The following ATP7A variants were observed in gnomAD, a reference collection of about 807,000 sequenced individuals.
The protein encoded by ATP7A is copper-transporting ATPase 1.
A neutral mutation model predicts 83.5 loss-of-function variants in ATP7A; 7 were observed. The ratio of observed to expected loss-of-function variants is 0.08; its 90% CI spans 0.05 to 0.16. The LOEUF (loss-of-function observed/expected upper bound fraction) is 0.16. ATP7A is among the 10% of genes least tolerant of loss of function. The pLI is 1.00. For missense variants in ATP7A, 940 were observed against 1,120.8 expected (o/e 0.84, Z 2.30); for synonymous variants, 354 against 395.2 (o/e 0.90, Z 1.24).
chrX:77,992,683 C>CTCACTGCA (rs1250164345), intron 4 of ATP7A, among the ~76,000 whole-genome samples: 1 of 110,958 alleles, frequency 9.0e-6, no homozygotes, highest in Non-Finnish European at 1.9e-5. Flanking sequence ...ATGATCTCGG[C>CTCACTGCA]TCACTGCAAC....
intron 1 of ATP7A, among the ~76,000 whole-genome samples, chrX:77,942,723 C>A (rs1557225793): frequency 8.9e-6 from 1 of 111,939 alleles, no homozygotes; most frequent in African/African-American, 3.2e-5. Context: ...GTTGGGATTA[C>A]AGGCATGAGC....
At chrX:77,993,964 C>A (rs2077684724) in intron 4 of ATP7A, among the ~76,000 whole-genome samples, 1 of 111,246 alleles carries the variant, frequency 9.0e-6, no homozygotes, top group Non-Finnish European at 1.9e-5. Flanking sequence ...TTTTACATGA[C>A]ATGGGAGCCT....
rs181671113 is a variant in ATP7A at position 77,956,999 on chromosome X, G to A, written c.-21-14622G>A. Among the ~76,000 whole-genome samples, 6 of 109,172 alleles carry A rather than the reference G, an allele frequency of 5.5e-5. No individual in the cohort carries two copies. The East Asian group carries it at 1.4e-3, about 26-fold the overall frequency. The allele number at this position is 109,172 out of a possible 115,157, so 94.8% of individuals were successfully genotyped here. ...TTTTGTAGAGACTGAGTTTTGCCAT[G>A]TTGCCCAGGCTTGTCTCAAACTCCA... On this transcript the variant is annotated intron_variant, in intron 1 of 22. Coordinates refer to ENST00000341514, the MANE Select transcript of ATP7A (RefSeq NM_000052.7).
intron 1 of ATP7A, among the ~76,000 whole-genome samples, chrX:77,955,418 TTTTTCTTAGAACATTG>T (rs1162546192): frequency 8.9e-6 from 1 of 111,986 alleles, no homozygotes; most frequent in African/African-American, 3.2e-5. Context: ...TCTTAGAACA[TTTTTCTTAGAACATTG>T]TTTTCTTAGA....
intron 1 of ATP7A, among the ~76,000 whole-genome samples, chrX:77,928,423 C>CAT (rs1191164613): frequency 2.3e-4 from 24 of 106,439 alleles, no homozygotes; most frequent in Non-Finnish European, 9.7e-5. Flanking sequence ...CACACACACT[C>CAT]ATATATATAT....
chrX:78,044,046 G>C (rs1294399762), intron 21 of ATP7A, among the ~76,000 whole-genome samples: 1 of 106,122 alleles, frequency 9.4e-6, no homozygotes, highest in East Asian at 3.0e-4. Flanking sequence ...CCTGAGGTTG[G>C]GAGTTCAAGA....
intron 5 of ATP7A, among the ~76,000 whole-genome samples, chrX:77,999,718 A>G (rs1213784569): frequency 9.0e-6 from 1 of 111,082 alleles, no homozygotes; most frequent in African/African-American, 3.3e-5. Flanking sequence ...AGCCGGGCCA[A>G]CATGGTGAAA....
chrX:77,947,824 C>T (rs2149058369), intron 1 of ATP7A, among the ~76,000 whole-genome samples: 1 of 101,437 alleles, frequency 9.9e-6, no homozygotes, highest in East Asian at 3.1e-4. Flanking sequence ...ACTGCAACCT[C>T]TGTCTCCTGG....
chrX:78,043,303 AT>A lies in ATP7A; in HGVS notation c.4006-11del, dbSNP rs2078061705. 8.8e-7 allele frequency: 1 copy of A among 1,138,332 alleles called. No individual in the cohort carries two copies. Among genetic ancestry groups the A allele is most frequent in the East Asian group, 3.0e-5 (1 of 33,500 alleles). The allele number at this position is 1,138,332 out of a possible 1,213,427, so 93.8% of individuals were successfully genotyped here. A position where few individuals can be genotyped will look rare whatever the true frequency, so the allele number is the denominator to read the frequency against. On this transcript the variant is annotated splice_polypyrimidine_tract_variant and intron_variant, in intron 20 of 22. Transcript: ENST00000341514. ...AGAGTCTCTTACTAATATCACAAAT[AT>A]TTCTGTTCTTAGAATGATCTTCTGG...
At chrX:77,916,920 C>T (rs1312954561) in intron 1 of ATP7A, among the ~76,000 whole-genome samples, 4 of 110,856 alleles carry the variant, frequency 3.6e-5, no homozygotes, top group South Asian at 3.7e-4. Context: ...CCAGGGTATT[C>T]GGAATTTAAA....
At chrX:77,972,700 C>T (rs782777933) in intron 2 of ATP7A, among the ~76,000 whole-genome samples, 3 of 110,557 alleles carry the variant, frequency 2.7e-5, no homozygotes, top group Non-Finnish European at 5.7e-5. Flanking sequence ...GGGGGTCTCA[C>T]TATGTTGTCC....
chrX:77,992,613 AT>A (rs1343125919), intron 4 of ATP7A, among the ~76,000 whole-genome samples: 23 of 107,960 alleles, frequency 2.1e-4, no homozygotes, highest in Non-Finnish European at 3.5e-4. Flanking sequence ...TCACCACTTA[AT>A]TTTTTTTTTC....
intron 1 of ATP7A, chrX:77,968,862 C>T: frequency 8.3e-7 from 1 of 1,210,411 alleles, no homozygotes; most frequent in African/African-American, 1.7e-5. Flanking sequence ...ACAGTATCCT[C>T]CCCGCTGGCC....
intron 4 of ATP7A, 59 bp downstream of exon 4, chrX:77,990,017 C>G (rs2077660767): frequency 8.4e-7 from 1 of 1,189,713 alleles, no homozygotes; most frequent in African/African-American, 1.7e-5. Flanking sequence ...TTTGCTGCTT[C>G]TTTTGGCATT....
chrX:77,920,469 G>A (rs1603369676), intron 1 of ATP7A, among the ~76,000 whole-genome samples: 5 of 110,499 alleles, frequency 4.5e-5, no homozygotes, highest in Middle Eastern at 4.6e-3. Flanking sequence ...CGCCCACCTC[G>A]GCCTCCCAAA....
At chrX:78,019,248 C>CTA (rs2077889076) in intron 12 of ATP7A, among the ~76,000 whole-genome samples, 1 of 111,726 alleles carries the variant, frequency 9.0e-6, no homozygotes, top group Non-Finnish European at 1.9e-5. Flanking sequence ...CTAATCTGAG[C>CTA]TATGACACGA....
rs138958687 is a variant in ATP7A, at chrX:78,021,066, A to G, written c.2903A>G (p.Glu968Gly). Reference protein sequence around the residue: ...VIGFLNFEIVETYFPGYNRSI... With the variant: ...VIGFLNFEIVGTYFPGYNRSI... ...GGATTTCTGAATTTTGAAATTGTGG[A>G]AACCTACTTTCCTGTAAGTGACTTG... is the stretch of plus-strand genomic sequence containing the variant. The change falls in exon 14 of 23, where the codon GAA becomes GGA. Residue 968 changes from glutamate to glycine, a missense_variant. By Grantham distance (98) the Glu-to-Gly change is moderately conservative. Transcript: ENST00000341514. 4.2e-4 allele frequency: 512 copies of G among 1,205,129 alleles called. 1 individual carries two copies. Among genetic ancestry groups the G allele is most frequent in the Non-Finnish European group, 2.3e-4 (209 of 891,961 alleles).
intron 1 of ATP7A, among the ~76,000 whole-genome samples, chrX:77,956,996 C>A (rs1316970162): frequency 2.8e-5 from 3 of 109,076 alleles, no homozygotes; most frequent in Non-Finnish European, 5.7e-5. Flanking sequence ...TGAGTTTTGC[C>A]ATGTTGCCCA....
At chrX:77,926,972 G>A (rs1557223654) in intron 1 of ATP7A, among the ~76,000 whole-genome samples, 1 of 111,541 alleles carries the variant, frequency 9.0e-6, no homozygotes, top group African/African-American at 3.3e-5. Flanking sequence ...CAAAGTTCCA[G>A]GATTACAGGC....
Sources: allele counts gnomAD v4.1 joint callset (sites outside exome capture counted in the v4.1 genomes callset), GRCh38; gene constraint gnomAD v4.1.1; transcripts MANE v1.5; gene names NCBI Gene and HGNC (gene_info 2026-07-23, HGNC 2026-07-21).